The following RBM39 variants were observed in gnomAD, a reference collection of about 807,000 sequenced individuals.
RBM39 encodes the protein RNA binding motif protein 39, also known as RNA-binding protein 39.
RBM39 carries 12 observed loss-of-function variants against 79.6 expected under a neutral mutation model. The observed-to-expected ratio is 0.15, with a 90% CI of 0.10 to 0.24. The LOEUF (loss-of-function observed/expected upper bound fraction) is 0.24. Among genes scored for constraint, RBM39 ranks in the 10% least tolerant of loss-of-function variants. The pLI, the probability that RBM39 is intolerant of heterozygous loss-of-function variation, is 1.00. For missense variants in RBM39, 243 were observed against 653.4 expected (o/e 0.37, Z 6.85); for synonymous variants, 185 against 208.4 (o/e 0.89, Z 0.97).
chr20:35,721,925 A>G (rs1301696615), intron 8 of RBM39, 48 bp from the exon 9 acceptor site: 1 of 1,578,440 alleles, frequency 6.3e-7, no homozygotes, highest in South Asian at 1.1e-5. Flanking sequence ...CAGCAGTTTA[A>G]AGACATACAC....
intron 3 of RBM39, chr20:35,736,530 A>G: frequency 2.1e-6 from 1 of 470,028 alleles, no homozygotes; most frequent in South Asian, 1.6e-5. Context: ...AGTTGTAGTG[A>G]GAAAGACTGA....
In RBM39 at chr20:35,731,952, G is replaced by A. The variant is rs2039415523; in HGVS notation, c.285C>T (p.Tyr95=). Residue 95 remains tyrosine (Y), a synonymous_variant, in exon 4 of 17, where the codon TAC becomes TAT. Transcript: ENST00000253363. ...RSRDRRFRGR[Y]RSPYSGPKFN... The stretch of plus-strand genomic sequence containing the variant: ...CTATAGTTACATACTAAGGACTTCT[G>A]TAGCGGCCTCTAAATCTTCGATCTC... 2.5e-6 allele frequency: 4 copies of A among 1,613,878 alleles called. No individual in the cohort carries two copies. The highest frequency in any genetic ancestry group is 3.4e-6 in the Non-Finnish European group (4 of 1,180,020).
chr20:35,729,555 G>C, intron 4 of RBM39, 28 bp from the exon 5 acceptor site: 2 of 1,604,082 alleles, frequency 1.2e-6, no homozygotes, highest in Non-Finnish European at 1.7e-6. Context: ...AATTACACTA[G>C]TTACAGGTTT....
At chr20:35,724,429 A>T in intron 8 of RBM39, 141 bp downstream of exon 8, 1 of 715,414 alleles carries the variant, frequency 1.4e-6, no homozygotes, top group Non-Finnish European at 2.1e-6. Flanking sequence ...ATAAACGCAA[A>T]GTTAAAAAAA....
intron 3 of RBM39, chr20:35,736,409 C>T: frequency 9.8e-6 from 3 of 305,580 alleles, no homozygotes; most frequent in Non-Finnish European, 2.1e-5. Context: ...AATCCATTAC[C>T]ACATTATTTT....
Position 35,703,452 on chromosome 20 carries a change from A to G in RBM39, c.*1029T>C, listed in dbSNP as rs561387016. On this transcript the variant is annotated 3_prime_UTR_variant, in exon 17 of 17. Transcript: ENST00000253363. ...CTAAAATACACAGGGCTAGACTCTAATAGAATAAAGGAATTCATGGGGGAC... is the reference window on the plus strand; with the variant it reads ...CTAAAATACACAGGGCTAGACTCTAGTAGAATAAAGGAATTCATGGGGGAC... 6.6e-6 allele frequency: 1 copy of G among 152,330 alleles called. No individual in the cohort carries two copies. Among genetic ancestry groups the G allele is most frequent in the East Asian group, 1.9e-4 (1 of 5,188 alleles). 9.4% of individuals were successfully genotyped at this position (152,330 alleles called of 1,614,324 possible).
intron 6 of RBM39, among the ~76,000 whole-genome samples, chr20:35,727,222 A>C (rs2038822353): frequency 6.6e-6 from 1 of 151,900 alleles, no homozygotes; most frequent in African/African-American, 2.4e-5. Context: ...TGGTGGCTGC[A>C]CCTATAGTCC....
intron 7 of RBM39, 81 bp from the exon 8 acceptor site, chr20:35,724,803 G>A (rs1302177759): frequency 1.4e-6 from 2 of 1,464,502 alleles, no homozygotes; most frequent in African/African-American, 1.4e-5. Flanking sequence ...GTTGAAGGAT[G>A]AAGGTATTTT....
At position 35,702,933 on chromosome 20, in the gene RBM39, G is replaced by C. The variant is rs888585467; in HGVS notation, c.*1548C>G. ...CAAAAAGAAAAAGAAATTGAACCTT[G>C]GGAGTTTCCATACAAATTAAATCAC... On this transcript the variant is annotated 3_prime_UTR_variant, in exon 17 of 17. Coordinates refer to ENST00000253363, the MANE Select transcript of RBM39 (RefSeq NM_184234.3). 17 of 152,080 alleles carry C rather than the reference G, an allele frequency of 1.1e-4. No individual in the cohort carries two copies. Among genetic ancestry groups the C allele is most frequent in the African/African-American group, 3.9e-4 (16 of 41,396 alleles). 9.4% of individuals were successfully genotyped at this position (152,080 alleles called of 1,614,324 possible).
chr20:35,705,519 C>T (rs6060571), intron 14 of RBM39, 189 bp from the exon 15 acceptor site: 18 of 461,572 alleles, frequency 3.9e-5, no homozygotes, highest in South Asian at 3.0e-4. Context: ...TCAATGAGGC[C>T]GGGCGCGGTG....
chr20:35,726,488 A>G (rs1021321407), intron 6 of RBM39, among the ~76,000 whole-genome samples: 1 of 152,206 alleles, frequency 6.6e-6, no homozygotes, highest in Non-Finnish European at 1.5e-5. Flanking sequence ...GTTTAATCAT[A>G]GTCATAAAAC....
intron 6 of RBM39, among the ~76,000 whole-genome samples, chr20:35,728,075 C>T (rs545396087): frequency 6.6e-6 from 1 of 152,334 alleles, no homozygotes; most frequent in South Asian, 2.1e-4. Context: ...GCGTGAGCCA[C>T]CGGGCCTGGC....
At chr20:35,731,085 TA>T (rs1276508678) in intron 4 of RBM39, among the ~76,000 whole-genome samples, 2 of 152,176 alleles carry the variant, frequency 1.3e-5, no homozygotes, top group Non-Finnish European at 2.9e-5. Context: ...CTTAGGGGAT[TA>T]AGTATCTTGC....
chr20:35,713,667 A>C (rs1020362962), intron 11 of RBM39: 4 of 11,926 alleles, frequency 3.4e-4, no homozygotes, highest in Non-Finnish European at 3.9e-4. Flanking sequence ...CAACCAACAC[A>C]AAAAAAAAAA....
At chr20:35,710,994 A>G (rs530746240) in intron 12 of RBM39, among the ~76,000 whole-genome samples, 4 of 152,332 alleles carry the variant, frequency 2.6e-5, no homozygotes, top group African/African-American at 9.6e-5. Flanking sequence ...ACGATGAGAA[A>G]GAACCCAAGA....
At chr20:35,732,666 TG>T (rs1473920163) in intron 3 of RBM39, 1 of 154,372 alleles carries the variant, frequency 6.5e-6, no homozygotes, top group African/African-American at 2.4e-5. Context: ...AGAGTAGAAC[TG>T]CAATTATCTC....
chr20:35,708,704 ATGAAT>A (rs1176538919), intron 13 of RBM39: 1 of 152,416 alleles, frequency 6.6e-6, no homozygotes, highest in Non-Finnish European at 1.5e-5. Flanking sequence ...AGCCTACTTA[ATGAAT>A]GGTTTCTCTG....
At chr20:35,740,792 T>C (rs770490153) in intron 2 of RBM39, 32 bp downstream of exon 2, 9 of 1,584,144 alleles carry the variant, frequency 5.7e-6, no homozygotes, top group Admixed American at 3.5e-5. Flanking sequence ...AATTAAGAAA[T>C]ATATAAACCT....
chr20:35,707,186 G>A lies in RBM39; in HGVS notation c.1241C>T (p.Ala414Val). The A allele has an allele frequency of 6.2e-7, 1 of 1,605,490 alleles. No homozygotes were observed. The highest frequency in any genetic ancestry group is 8.5e-7 in the Non-Finnish European group (1 of 1,174,386). Reference sequence around the variant, plus strand: ...TGCAAGTGGCTGAACAGAGGCAGCTGCAGCTAAAGCTGAAGCTAAAAAAAG... The same window carrying A: ...TGCAAGTGGCTGAACAGAGGCAGCTACAGCTAAAGCTGAAGCTAAAAAAAG... ...SQQTEASALA[A>V]AASVQPLATQ... The change falls in exon 14 of 17, where the codon GCA (alanine) becomes GTA (valine). Residue 414 changes from alanine (A) to valine (V), a missense_variant. Transcript: ENST00000253363.
Sources: gnomAD v4.1 joint callset for allele counts (sites outside exome capture counted in the v4.1 genomes callset) on GRCh38, gnomAD v4.1.1 for gene constraint, MANE v1.5 for transcripts, NCBI Gene and HGNC (gene_info 2026-07-23, HGNC 2026-07-21) for gene names.